The following PCDHGA5 variants were observed in gnomAD, a reference collection of about 807,000 sequenced individuals.
PCDHGA5 encodes the protein protocadherin gamma-A5.
A neutral mutation model predicts 56.7 loss-of-function variants in PCDHGA5; 36 were observed. The observed-to-expected ratio is 0.64, with a 90% CI of 0.49 to 0.84. PCDHGA5 has a LOEUF of 0.84. PCDHGA5 is among the 40% of genes least tolerant of loss of function. PCDHGA5 has a pLI of 0.00. For synonymous variants in PCDHGA5, 563 were observed against 520.2 expected, an observed-to-expected ratio of 1.08 and a Z score of -1.12; for missense variants, 1,305 against 1,201.5, an observed-to-expected ratio of 1.09 and a Z score of -1.27.
intron 1 of PCDHGA5, among the ~76,000 whole-genome samples, chr5:141,382,171 G>T (rs1325332399): frequency 6.6e-6 from 1 of 151,984 alleles, no homozygotes; most frequent in African/African-American, 2.4e-5. Flanking sequence ...GTGTTAGACC[G>T]TCTCTAAGGT....
At position 141,497,540 on chromosome 5, in the gene PCDHGA5, C is replaced by CT. The variant is rs754207034; in HGVS notation, c.2480+2693dup. On this transcript the variant is annotated intron_variant, in intron 2 of 3. Transcript: ENST00000518069. Reference sequence around the variant, plus strand: ...TTAACTTGTGGAGGATGCAACAAACCTTTTTTTTTTTTTTTTTTAGACAGA... The same window carrying CT: ...TTAACTTGTGGAGGATGCAACAAACCTTTTTTTTTTTTTTTTTTTAGACAGA... Among the ~76,000 whole-genome samples, 618 of 134,908 alleles carry CT rather than the reference C, an allele frequency of 4.6e-3. 3 individuals carry two copies. The highest frequency in any genetic ancestry group is 0.012 in the African/African-American group (419 of 35,974). 88.5% of individuals were successfully genotyped at this position (134,908 alleles called of 152,430 possible). A position where few individuals can be genotyped will look rare whatever the true frequency, so the allele number is the denominator to read the frequency against.
chr5:141,403,759 G>A (rs900084263), intron 1 of PCDHGA5: 2 of 1,613,794 alleles, frequency 1.2e-6, no homozygotes, highest in Non-Finnish European at 1.7e-6. Flanking sequence ...CCAGCGACCT[G>A]GATGAGGGAA....
At chr5:141,501,328 CA>C (rs1446948770) in intron 2 of PCDHGA5, among the ~76,000 whole-genome samples, 83 of 151,828 alleles carry the variant, frequency 5.5e-4, no homozygotes, top group Admixed American at 2.2e-3. Context: ...CACACACACA[CA>C]CACACCCCAA....
At chr5:141,430,584 G>A (rs1451886397) in intron 1 of PCDHGA5, 3 of 495,136 alleles carry the variant, frequency 6.1e-6, no homozygotes, top group African/African-American at 5.9e-5. Flanking sequence ...GATCCTGCTC[G>A]CCTTGCACGC....
chr5:141,490,336 G>T lies in PCDHGA5; in HGVS notation c.2422-4471G>T. 2 of 1,614,224 alleles carry T rather than the reference G, an allele frequency of 1.2e-6. No individual in the cohort carries two copies. The highest frequency in any genetic ancestry group is 8.5e-7 in the Non-Finnish European group (1 of 1,180,040). ...CCCTGTCCTAGAGAGCACACCAGTGGGCACAGTAGTGGGGTTGTTTAATGT... is the reference window on the plus strand; with the variant it reads ...CCCTGTCCTAGAGAGCACACCAGTGTGCACAGTAGTGGGGTTGTTTAATGT... On this transcript the variant is annotated intron_variant, in intron 1 of 3. Transcript: ENST00000518069. This position sits in a 1 kb window ranked among gnomAD's most constrained non-coding sequence, Gnocchi z 5.4.
intron 1 of PCDHGA5, chr5:141,426,170 T>G (rs2096918811): frequency 6.4e-6 from 1 of 155,200 alleles, no homozygotes. Flanking sequence ...CCATACGGAT[T>G]GGGGTGCCCT....
Position 141,364,724 on chromosome 5 carries a change from C to A in PCDHGA5, c.394C>A (p.Arg132Ser), listed in dbSNP as rs772314048. The change falls in exon 1 of 4, where the codon CGT (arginine) becomes AGT (serine). Residue 132 changes from arginine to serine, a missense_variant. Transcript: ENST00000518069. Reference sequence around the variant, plus strand: ...AATCGATATTAATGATAACTTCCCGCGTTTCCGGGATGAAGAGTTAAAAGT... The same window carrying A: ...AATCGATATTAATGATAACTTCCCGAGTTTCCGGGATGAAGAGTTAAAAGT... ...EIIDINDNFP[R>S]FRDEELKVKV... 1 of 1,613,892 alleles carries A rather than the reference C, an allele frequency of 6.2e-7. No homozygotes were observed.
intron 1 of PCDHGA5, among the ~76,000 whole-genome samples, chr5:141,382,009 A>G (rs1219907347): frequency 6.6e-6 from 1 of 151,376 alleles, no homozygotes; most frequent in African/African-American, 2.4e-5. Flanking sequence ...TTGTATTTTT[A>G]GTAGAGACGG....
Position 141,422,925 on chromosome 5 carries a change from T to C in PCDHGA5, c.2421+56174T>C, listed in dbSNP as rs568894245. ...ACAATGCGCCCGAGATCCTGTACCC[T>C]GCCCTCCCCACAGACGGCTCCACTG... On this transcript the variant is annotated intron_variant, in intron 1 of 3. Transcript: ENST00000518069. 1.4e-4 allele frequency: 220 copies of C among 1,614,202 alleles called. 2 individuals are homozygous for C. The South Asian group carries it at 2.2e-3, about 16-fold the overall frequency.
In PCDHGA5 at chr5:141,431,771, C is replaced by G. The variant is rs1175712662; in HGVS notation, c.2422-63036C>G. 1.2e-6 allele frequency: 2 copies of G among 1,614,214 alleles called. No homozygotes were observed. Among genetic ancestry groups the G allele is most frequent in the Non-Finnish European group, 8.5e-7 (1 of 1,180,034 alleles). The stretch of plus-strand genomic sequence containing the variant: ...GCGAGCCAAAGTCCTGATCACTGTT[C>G]TGGACGTGAACGACAATGCCCCAGA... On this transcript the variant is annotated intron_variant, in intron 1 of 3. Coordinates refer to ENST00000518069, the MANE Select transcript of PCDHGA5 (RefSeq NM_018918.3). The surrounding 1 kb of genome is among the most constrained non-coding windows in gnomAD (Gnocchi z 4.8).
intron 1 of PCDHGA5, chr5:141,375,011 G>A (rs1035429416): frequency 1.2e-6 from 2 of 1,614,028 alleles, no homozygotes; most frequent in African/African-American, 1.3e-5. Context: ...TCTAGACTAT[G>A]AGGACTCGAG....
chr5:141,417,791 C>G, intron 1 of PCDHGA5: 1 of 1,482,658 alleles, frequency 6.7e-7, no homozygotes, highest in Non-Finnish European at 9.0e-7. Context: ...GCCGAATGCT[C>G]TTTTAGCGCG....
rs780541121 is a variant in PCDHGA5 at position 141,477,533 on chromosome 5, G to A, written c.2422-17274G>A. ...TTACATTGAAGAAAACAACCTCCCCGGGGCTCCAATACTAAACCTAAGTGT... is the reference window on the plus strand; with the variant it reads ...TTACATTGAAGAAAACAACCTCCCCAGGGCTCCAATACTAAACCTAAGTGT... On this transcript the variant is annotated intron_variant, in intron 1 of 3. Coordinates refer to ENST00000518069, the MANE Select transcript of PCDHGA5 (RefSeq NM_018918.3). This position sits in a 1 kb window ranked among gnomAD's most constrained non-coding sequence, Gnocchi z 4.9. The A allele has an allele frequency of 6.2e-7, 1 of 1,614,010 alleles. No individual in the cohort carries two copies. The highest frequency in any genetic ancestry group is 1.1e-5 in the South Asian group (1 of 91,066).
At chr5:141,400,830 T>G (rs1194053653) in intron 1 of PCDHGA5, among the ~76,000 whole-genome samples, 2 of 152,244 alleles carry the variant, frequency 1.3e-5, no homozygotes, top group African/African-American at 2.4e-5. Flanking sequence ...GTTGTCTCAT[T>G]CTTTAACATG....
chr5:141,471,206 T>C (rs113465424), intron 1 of PCDHGA5: 16,891 of 151,686 alleles, frequency 0.11, 970 homozygotes, highest in South Asian at 0.15. Context: ...CCCACCCCCA[T>C]GCCTGGCAAT....
chr5:141,488,681 C>G, intron 1 of PCDHGA5, among the ~76,000 whole-genome samples: 1 of 152,204 alleles, frequency 6.6e-6, no homozygotes, highest in East Asian at 1.9e-4. Flanking sequence ...GGCTTTGCCT[C>G]TCCCAGAAGG....
At chr5:141,450,770 AG>A (rs1354382498) in intron 1 of PCDHGA5, among the ~76,000 whole-genome samples, 1 of 151,448 alleles carries the variant, frequency 6.6e-6, no homozygotes, top group Non-Finnish European at 1.5e-5. Context: ...TACAGGCATG[AG>A]CCACCGTGCC....
rs759706919 is a variant in PCDHGA5 at position 141,374,098 on chromosome 5, G to C, written c.2421+7347G>C. 20 of 1,561,062 alleles carry C rather than the reference G, an allele frequency of 1.3e-5. No homozygotes were observed. The South Asian group carries it at 2.1e-4, about 17-fold the overall frequency. ...ATAAGCCAGTAATGGCGCCTCCGCA[G>C]AGGCATCCGCAGCGCAGCGAGCAGG... On this transcript the variant is annotated intron_variant, in intron 1 of 3. Transcript: ENST00000518069.
chr5:141,422,913 G>T, intron 1 of PCDHGA5: 1 of 1,614,248 alleles, frequency 6.2e-7, no homozygotes, highest in Non-Finnish European at 8.5e-7. Context: ...ATGCGCCCGA[G>T]ATCCTGTACC....
Sources: allele counts gnomAD v4.1 joint callset (sites outside exome capture counted in the v4.1 genomes callset), GRCh38; gene constraint gnomAD v4.1.1; non-coding constraint Gnocchi (gnomAD v3.1); transcripts MANE v1.5; gene names NCBI Gene and HGNC (gene_info 2026-07-23, HGNC 2026-07-21).